The following PID1 variants were observed in gnomAD, a reference collection of about 807,000 sequenced individuals.
The protein encoded by PID1 is PTB-containing, cubilin and LRP1-interacting protein.
Under a neutral mutation model 19.1 loss-of-function variants are expected in PID1, and 10 were observed. The ratio of observed to expected loss-of-function variants is 0.52; its 90% CI spans 0.32 to 0.89. PID1 has a LOEUF of 0.89. Among genes scored for constraint, PID1 ranks in the 40% least tolerant of loss-of-function variants. The pLI is 0.03. For missense variants in PID1, 248 were observed against 285.3 expected, an observed-to-expected ratio of 0.87 and a Z score of 0.94; for synonymous variants, 130 against 116.0, an observed-to-expected ratio of 1.12 and a Z score of -0.78.
chr2:229,056,505 G>A (rs1694103078), intron 2 of PID1, among the ~76,000 whole-genome samples: 1 of 151,860 alleles, frequency 6.6e-6, no homozygotes, highest in East Asian at 1.9e-4. Context: ...GCTAAATGTA[G>A]CAAATCAATA....
chr2:229,072,695 A>T (rs777664121), intron 2 of PID1, among the ~76,000 whole-genome samples: 7 of 152,238 alleles, frequency 4.6e-5, no homozygotes, highest in Admixed American at 2.0e-4. Context: ...GCTGTATTAA[A>T]AACATGTATT....
intron 1 of PID1, among the ~76,000 whole-genome samples, chr2:229,246,262 G>A (rs565170057): frequency 1.4e-4 from 21 of 152,216 alleles, no homozygotes; most frequent in South Asian, 8.3e-4. Flanking sequence ...TTCAAACTGC[G>A]GAGCTGCTGG....
chr2:229,232,613 C>T (rs954077583), intron 1 of PID1, among the ~76,000 whole-genome samples: 5 of 150,218 alleles, frequency 3.3e-5, no homozygotes, highest in African/African-American at 1.2e-4. Flanking sequence ...CTTTTCCAAC[C>T]TCACCCATCT....
At chr2:229,175,835 C>T (rs1370275878) in intron 1 of PID1, among the ~76,000 whole-genome samples, 4 of 152,178 alleles carry the variant, frequency 2.6e-5, no homozygotes, top group Non-Finnish European at 5.9e-5. Flanking sequence ...TGCATCCATT[C>T]GCCACATTTA....
At chr2:229,156,075 G>C in intron 1 of PID1, 111 bp from the exon 2 acceptor site, 1 of 900,324 alleles carries the variant, frequency 1.1e-6, no homozygotes, top group South Asian at 1.7e-5. Flanking sequence ...GTTCTATTAG[G>C]GGAGGCCAAG....
chr2:229,242,474 G>A (rs1195019385), intron 1 of PID1, among the ~76,000 whole-genome samples: 1 of 151,922 alleles, frequency 6.6e-6, no homozygotes, highest in Non-Finnish European at 1.5e-5. Flanking sequence ...TCCATATCTG[G>A]CCTCATGCTC....
chr2:229,058,053 C>T (rs1210441086), intron 2 of PID1, among the ~76,000 whole-genome samples: 1 of 152,098 alleles, frequency 6.6e-6, no homozygotes, highest in Admixed American at 6.6e-5. Context: ...TGGCTGTGTC[C>T]CCCAGGTAGA....
chr2:229,059,006 G>A (rs1247965363), intron 2 of PID1, among the ~76,000 whole-genome samples: 1 of 152,120 alleles, frequency 6.6e-6, no homozygotes, highest in East Asian at 1.9e-4. Flanking sequence ...TATAAATTTT[G>A]TAAATATAAA....
chr2:229,159,587 C>T (rs1187664049), intron 1 of PID1, among the ~76,000 whole-genome samples: 3 of 152,108 alleles, frequency 2.0e-5, no homozygotes, highest in Non-Finnish European at 4.4e-5. Context: ...CTTGCCAACC[C>T]CCACAAGTGC....
At chr2:229,205,793 A>G (rs1219993338) in intron 1 of PID1, among the ~76,000 whole-genome samples, 3 of 152,146 alleles carry the variant, frequency 2.0e-5, no homozygotes, top group African/African-American at 7.2e-5. Flanking sequence ...CTGTCCATTC[A>G]GCAGTTCTGC....
intron 1 of PID1, among the ~76,000 whole-genome samples, chr2:229,240,193 T>C (rs777678631): frequency 6.6e-6 from 1 of 152,088 alleles, no homozygotes; most frequent in African/African-American, 2.4e-5. Context: ...GGCAATATCA[T>C]GAAAATAAAA....
intron 1 of PID1, among the ~76,000 whole-genome samples, chr2:229,187,969 G>C (rs1691171590): frequency 6.6e-6 from 1 of 152,108 alleles, no homozygotes; most frequent in South Asian, 2.1e-4. Context: ...ATACAGACTG[G>C]TACCACTGTG....
chr2:229,163,447 A>G (rs1332289334), intron 1 of PID1, among the ~76,000 whole-genome samples: 1 of 152,194 alleles, frequency 6.6e-6, no homozygotes, highest in Non-Finnish European at 1.5e-5. Flanking sequence ...AGCTAACTGA[A>G]AATACTCATG....
intron 1 of PID1, among the ~76,000 whole-genome samples, chr2:229,188,934 T>C (rs897909899): frequency 3.3e-5 from 5 of 152,152 alleles, no homozygotes; most frequent in Admixed American, 1.3e-4. Flanking sequence ...TTCTTCTGTA[T>C]TAAATTTTTC....
Position 229,024,818 on chromosome 2 carries a change from GGTTT to G in PID1, c.*810_*813del, listed in dbSNP as rs1305964606. On this transcript the variant is annotated 3_prime_UTR_variant, in exon 3 of 3. Coordinates refer to ENST00000392055, the MANE Select transcript of PID1 (RefSeq NM_001100818.2). Reference sequence around the variant, plus strand: ...GTTGGGGTTGTTGTTTTAAACTCCTGGTTTGTTTGACTGTTTATTTTATTTGCTT... The same window carrying G: ...GTTGGGGTTGTTGTTTTAAACTCCTGGTTTGACTGTTTATTTTATTTGCTT... The G allele has an allele frequency of 6.6e-6, 1 of 152,424 alleles. No individual in the cohort carries two copies. Among genetic ancestry groups the G allele is most frequent in the East Asian group, 1.9e-4 (1 of 5,192 alleles). 9.4% of individuals were successfully genotyped at this position (152,424 alleles called of 1,614,324 possible).
chr2:229,232,177 A>T (rs55691132), intron 1 of PID1: 244,372 of 1,379,530 alleles, frequency 0.18, 22,587 homozygotes, highest in Admixed American at 0.25. Context: ...TAATCCCAGC[A>T]CTCTGGGAGG....
chr2:229,029,238 T>C (rs1693491897), intron 2 of PID1, among the ~76,000 whole-genome samples: 1 of 142,094 alleles, frequency 7.0e-6, no homozygotes, highest in Non-Finnish European at 1.5e-5. Context: ...AAAAAAGCTT[T>C]AAAAAAATAA....
intron 1 of PID1, among the ~76,000 whole-genome samples, chr2:229,181,319 C>T (rs1195250461): frequency 1.3e-5 from 2 of 151,896 alleles, no homozygotes; most frequent in African/African-American, 2.4e-5. Context: ...ATTTGAGAAC[C>T]AGCAAGAGTC....
At position 229,271,097 on chromosome 2, in the gene PID1, C is replaced by T; in HGVS notation, c.-54G>A. On this transcript the variant is annotated 5_prime_UTR_variant, in exon 1 of 3. Coordinates refer to ENST00000392055, the MANE Select transcript of PID1 (RefSeq NM_001100818.2). ...ACGCTGGCGAGACTGTCGATCGCGC[C>T]GGGGGGCGAGGGGCTGGGGTCCCGC... 4 of 1,532,570 alleles carry T rather than the reference C, an allele frequency of 2.6e-6. No individual in the cohort carries two copies. The highest frequency in any genetic ancestry group is 1.2e-5 in the South Asian group (1 of 82,780). The allele number at this position is 1,532,570 out of a possible 1,614,324, so 94.9% of individuals were successfully genotyped here. A position where few individuals can be genotyped will look rare whatever the true frequency, so the allele number is the denominator to read the frequency against.
Sources: gnomAD v4.1 joint callset for allele counts (sites outside exome capture counted in the v4.1 genomes callset) on GRCh38, gnomAD v4.1.1 for gene constraint, MANE v1.5 for transcripts, NCBI Gene and HGNC (gene_info 2026-07-23, HGNC 2026-07-21) for gene names.